SYNE2: variants seen among roughly 807,000 people sequenced by gnomAD.
SYNE2 encodes the protein spectrin repeat containing nuclear envelope protein 2, also known as nesprin-2.
Under a neutral mutation model 856.3 loss-of-function variants are expected in SYNE2, and 431 were observed. The observed-to-expected ratio is 0.50, with a 90% confidence interval of 0.47 to 0.55. SYNE2 has a LOEUF of 0.55. Among genes scored for constraint, SYNE2 ranks in the 20% least tolerant of loss-of-function variants. The probability of loss-of-function intolerance (pLI) is 0.00; values close to 1 mark genes in which losing one functional copy is unlikely to be tolerated. For synonymous variants in SYNE2, 2,923 were observed against 2,872.3 expected (o/e 1.02, Z -0.56); for missense variants, 8,129 against 8,023.2 (o/e 1.01, Z -0.50).
chr14:63,994,911 A>G (rs367835429), intron 22 of SYNE2, 133 bp from the exon 23 acceptor site: 16 of 564,208 alleles, frequency 2.8e-5, no homozygotes, highest in East Asian at 1.7e-4. Context: ...CCCAAAATAC[A>G]TGGATGAATC....
chr14:63,971,442 T>C (rs1386859865), intron 11 of SYNE2, among the ~76,000 whole-genome samples: 1 of 152,092 alleles, frequency 6.6e-6, no homozygotes, highest in Non-Finnish European at 1.5e-5. Context: ...TCTAAGTTAT[T>C]GTACAACTTT....
At chr14:63,998,737 A>G (rs1281268176) in intron 26 of SYNE2, among the ~76,000 whole-genome samples, 177 bp from the exon 27 acceptor site, 1 of 151,986 alleles carries the variant, frequency 6.6e-6, no homozygotes, top group Non-Finnish European at 1.5e-5. Context: ...AATTTTTTGT[A>G]GTTTTAGTAG....
chr14:63,827,694 A>AT lies in SYNE2; in HGVS notation c.-304-24798dup, dbSNP rs199844958. Among the ~76,000 whole-genome samples the AT allele has an allele frequency of 1.6e-3, 236 of 146,790 alleles. 2 individuals carry two copies. The Middle Eastern group carries it at 0.021, about 13-fold the overall frequency. ...AAAAAAGAAAAGAAATGGGCAAAGG[A>AT]TTTTTTTTTACAGCAAAGAAAGCAG... On this transcript the variant is annotated intron_variant, in intron 1 of 23. Transcript: ENST00000674003.
chr14:63,902,567 C>T (rs907282265), intron 1 of SYNE2, among the ~76,000 whole-genome samples: 5 of 152,116 alleles, frequency 3.3e-5, no homozygotes, highest in African/African-American at 9.7e-5. Context: ...TGGGCACAGC[C>T]GCTGTGTTCT....
chr14:64,181,011 G>A (rs1328918826), intron 96 of SYNE2, among the ~76,000 whole-genome samples: 5 of 151,716 alleles, frequency 3.3e-5, no homozygotes, highest in African/African-American at 4.8e-5. Context: ...CCAATAATTC[G>A]TTTATGTATT....
intron 1 of SYNE2, among the ~76,000 whole-genome samples, chr14:63,878,976 C>T (rs1213991206): frequency 2.0e-5 from 3 of 152,148 alleles, no homozygotes; most frequent in South Asian, 2.1e-4. Flanking sequence ...CAGTGCTTTG[C>T]GAGGCTGAGG....
At chr14:63,859,560 T>C (rs1892927541) in intron 1 of SYNE2, among the ~76,000 whole-genome samples, 1 of 152,250 alleles carries the variant, frequency 6.6e-6, no homozygotes, top group East Asian at 1.9e-4. Flanking sequence ...GGCTCACACC[T>C]GTAATCCCAG....
intron 66 of SYNE2, among the ~76,000 whole-genome samples, chr14:64,114,427 C>G (rs185404924): frequency 1.2e-4 from 19 of 152,184 alleles, no homozygotes; most frequent in African/African-American, 4.3e-4. Context: ...TCTCAGAGTT[C>G]GCATATCACT....
chr14:64,222,703 G>A (rs1473049935), intron 112 of SYNE2, among the ~76,000 whole-genome samples: 1 of 152,108 alleles, frequency 6.6e-6, no homozygotes, highest in Non-Finnish European at 1.5e-5. Context: ...TCCACCCTGG[G>A]CGACAGAGTG....
intron 2 of SYNE2, among the ~76,000 whole-genome samples, chr14:63,925,923 G>A (rs1301737835): frequency 4.6e-5 from 7 of 151,692 alleles, no homozygotes; most frequent in African/African-American, 9.7e-5. Flanking sequence ...ATGTGATCTC[G>A]GCTCACTGCA....
intron 1 of SYNE2, among the ~76,000 whole-genome samples, chr14:63,824,988 TG>T (rs1450813189): frequency 6.6e-6 from 1 of 151,576 alleles, no homozygotes; most frequent in Non-Finnish European, 1.5e-5. Context: ...AAAAATTAGC[TG>T]GGCAGGAGGC....
intron 45 of SYNE2, among the ~76,000 whole-genome samples, chr14:64,036,931 T>C (rs1253773330): frequency 6.6e-6 from 1 of 152,080 alleles, no homozygotes; most frequent in Non-Finnish European, 1.5e-5. Flanking sequence ...CAACTAATTA[T>C]AGCAATGAGA....
At position 63,818,517 on chromosome 14, in the gene SYNE2, G is replaced by A. The variant is rs564763341; in HGVS notation, c.-304-33984G>A. Among the ~76,000 whole-genome samples, 9 of 151,908 alleles carry A rather than the reference G, an allele frequency of 5.9e-5. No individual in the cohort carries two copies. The East Asian group carries it at 1.2e-3, about 20-fold the overall frequency. On this transcript the variant is annotated intron_variant, in intron 1 of 23. Coordinates refer to the SYNE2 transcript ENST00000674003. ...GGGCAACAGAACGAGACCCTGTCTCGAAATATATAAATAAATAAGTAAACG... is the reference window on the plus strand; with the variant it reads ...GGGCAACAGAACGAGACCCTGTCTCAAAATATATAAATAAATAAGTAAACG...
At chr14:64,200,374 G>C (rs1042100830) in intron 99 of SYNE2, among the ~76,000 whole-genome samples, 4 of 152,154 alleles carry the variant, frequency 2.6e-5, no homozygotes, top group Non-Finnish European at 4.4e-5. Context: ...TCTCGTGGCT[G>C]GGCCTCTTCT....
chr14:63,863,357 T>C (rs764619707), intron 1 of SYNE2, among the ~76,000 whole-genome samples: 1 of 152,196 alleles, frequency 6.6e-6, no homozygotes, highest in African/African-American at 2.4e-5. Flanking sequence ...CCACCTGTTT[T>C]CTCCTACTTT....
chr14:64,047,771 T>C (rs543205517), intron 45 of SYNE2, among the ~76,000 whole-genome samples: 159 of 152,334 alleles, frequency 1.0e-3, no homozygotes, highest in Non-Finnish European at 1.9e-3. Flanking sequence ...CAGTATACAA[T>C]TGACCAATGC....
chr14:63,851,084 C>T (rs1011799343), upstream of SYNE2, among the ~76,000 whole-genome samples: 1 of 152,134 alleles, frequency 6.6e-6, no homozygotes, highest in African/African-American at 2.4e-5. Context: ...AGCATATGGC[C>T]GGATGCGGTG....
At chr14:64,034,699 T>TGACA (rs2097072288) in intron 45 of SYNE2, 2 of 435,424 alleles carry the variant, frequency 4.6e-6, no homozygotes, top group Admixed American at 7.7e-5. Flanking sequence ...GACAGGTATT[T>TGACA]GTGCTTATGA....
chr14:63,851,988 G>C (rs1428347595), upstream of SYNE2, among the ~76,000 whole-genome samples: 13 of 31,898 alleles, frequency 4.1e-4, 2 homozygotes, highest in Non-Finnish European at 8.5e-4. Context: ...GGGGGGGGGG[G>C]GGGGGAATGA....
Sources: allele counts gnomAD v4.1 joint callset (sites outside exome capture counted in the v4.1 genomes callset), GRCh38; gene constraint gnomAD v4.1.1; transcripts MANE v1.5; gene names NCBI Gene and HGNC (gene_info 2026-07-23, HGNC 2026-07-21).